The following LSAMP variants were observed in gnomAD, a reference collection of about 807,000 sequenced individuals.
LSAMP encodes the protein limbic system associated membrane protein.
Under a neutral mutation model 38.6 loss-of-function variants are expected in LSAMP, and 7 were observed. That is an observed-to-expected ratio of 0.18 (90% CI 0.10 to 0.34). The LOEUF is 0.34. Among genes scored for constraint, LSAMP ranks in the 10% least tolerant of loss-of-function variants. The probability of loss-of-function intolerance (pLI) is 1.00; values close to 1 mark genes in which losing one functional copy is unlikely to be tolerated. For synonymous variants in LSAMP, 154 were observed against 166.8 expected (o/e 0.92, Z 0.59); for missense variants, 313 against 420.0 (o/e 0.75, Z 2.23).
chr3:116,255,502 G>A (rs2046738641), intron 1 of LSAMP, among the ~76,000 whole-genome samples: 1 of 152,178 alleles, frequency 6.6e-6, no homozygotes, highest in African/African-American at 2.4e-5. Context: ...TGTATTTATA[G>A]ACAAAGAGAA....
chr3:116,354,884 T>C (rs1213467908), intron 1 of LSAMP, among the ~76,000 whole-genome samples: 1 of 150,862 alleles, frequency 6.6e-6, no homozygotes, highest in Non-Finnish European at 1.5e-5. Context: ...TGTGTGCATG[T>C]GTGTTATATT....
chr3:116,012,563 CGTT>C (rs1275725192), intron 3 of LSAMP, among the ~76,000 whole-genome samples: 1 of 152,130 alleles, frequency 6.6e-6, no homozygotes, highest in Non-Finnish European at 1.5e-5. Context: ...AAGAGACTGT[CGTT>C]GTCATGGCCT....
At chr3:116,131,202 A>G (rs1025658805) in intron 1 of LSAMP, among the ~76,000 whole-genome samples, 5 of 152,000 alleles carry the variant, frequency 3.3e-5, no homozygotes, top group Admixed American at 6.6e-5. Flanking sequence ...TGTATTAGCC[A>G]GGATGGTCTC....
intron 1 of LSAMP, among the ~76,000 whole-genome samples, chr3:116,356,101 A>G (rs184775746): frequency 3.9e-4 from 59 of 152,342 alleles, no homozygotes; most frequent in African/African-American, 1.4e-3. Flanking sequence ...AAAGGAAATC[A>G]GTGTTTCATA....
intron 1 of LSAMP, among the ~76,000 whole-genome samples, chr3:116,113,924 C>G (rs1230071710): frequency 6.6e-6 from 1 of 152,098 alleles, no homozygotes; most frequent in East Asian, 1.9e-4. Context: ...CTCAGGAATA[C>G]TCGGAGGATT....
chr3:116,444,256 C>A (rs1033025379), intron 1 of LSAMP, among the ~76,000 whole-genome samples: 6 of 151,978 alleles, frequency 3.9e-5, no homozygotes, highest in Non-Finnish European at 8.8e-5. Context: ...AGTAACCAAC[C>A]AAAGTTCTAA....
chr3:116,346,376 T>C (rs922426373), intron 1 of LSAMP, among the ~76,000 whole-genome samples: 2 of 151,144 alleles, frequency 1.3e-5, no homozygotes, highest in South Asian at 2.1e-4. Context: ...TTGGCCAAGA[T>C]GGAATGCAGT....
At chr3:116,214,481 T>G (rs1272865823) in intron 1 of LSAMP, among the ~76,000 whole-genome samples, 2 of 145,066 alleles carry the variant, frequency 1.4e-5, no homozygotes, top group Non-Finnish European at 3.0e-5. Context: ...AGCCCTCAAA[T>G]AAAGAGTAAA....
At chr3:115,817,343 C>T (rs1042151378) in intron 6 of LSAMP, among the ~76,000 whole-genome samples, 1 of 152,172 alleles carries the variant, frequency 6.6e-6, no homozygotes, top group African/African-American at 2.4e-5. Flanking sequence ...GTTTCGTCCT[C>T]TTCATTAGAC....
chr3:116,344,596 C>T (rs1426126040), intron 1 of LSAMP, among the ~76,000 whole-genome samples: 2 of 152,108 alleles, frequency 1.3e-5, no homozygotes, highest in East Asian at 1.9e-4. Flanking sequence ...TCTGAAAGCA[C>T]CTGGTGCCAA....
rs563303616 is a variant in LSAMP at position 116,279,010 on chromosome 3, A to G, written c.155+165867T>C. On this transcript the variant is annotated intron_variant, in intron 1 of 6. Coordinates refer to ENST00000490035, the MANE Select transcript of LSAMP (RefSeq NM_002338.5). ...AAACTATCGGCAAGTTTATGTACCTAGTTTTTGCTTTTTCTGTAGGAGAAT... is the reference window on the plus strand; with the variant it reads ...AAACTATCGGCAAGTTTATGTACCTGGTTTTTGCTTTTTCTGTAGGAGAAT... Among the ~76,000 whole-genome samples, 219 of 152,270 alleles carry G rather than the reference A, an allele frequency of 1.4e-3. 2 individuals carry two copies. The highest frequency in any genetic ancestry group is 4.9e-3 in the African/African-American group (205 of 41,558).
intron 1 of LSAMP, among the ~76,000 whole-genome samples, chr3:116,270,945 A>G (rs955038845): frequency 1.3e-5 from 2 of 152,130 alleles, no homozygotes; most frequent in South Asian, 2.1e-4. Flanking sequence ...CCAGATTTCA[A>G]TTACTTCGTA....
chr3:116,151,589 C>T (rs1709612132), intron 1 of LSAMP, among the ~76,000 whole-genome samples: 1 of 152,012 alleles, frequency 6.6e-6, no homozygotes. Context: ...TCTCTTCCCT[C>T]AAGTCGCTAA....
chr3:116,226,075 C>T (rs1204286356), intron 1 of LSAMP, among the ~76,000 whole-genome samples: 2 of 152,116 alleles, frequency 1.3e-5, no homozygotes, highest in Non-Finnish European at 2.9e-5. Context: ...AGTGATGTAA[C>T]TAATGAACAA....
chr3:116,061,465 A>C (rs562196669), intron 2 of LSAMP, among the ~76,000 whole-genome samples: 1 of 152,124 alleles, frequency 6.6e-6, no homozygotes, highest in African/African-American at 2.4e-5. Flanking sequence ...ATGTGGTGAG[A>C]GGCATGGTAG....
chr3:116,263,384 A>C (rs149984591), intron 1 of LSAMP, among the ~76,000 whole-genome samples: 29,451 of 151,738 alleles, frequency 0.19, 3,035 homozygotes, highest in Admixed American at 0.23. Flanking sequence ...CTAAAAATAC[A>C]AAAATTAGCC....
chr3:115,823,380 C>A (rs1055240520), intron 6 of LSAMP, among the ~76,000 whole-genome samples: 1 of 152,180 alleles, frequency 6.6e-6, no homozygotes, highest in Non-Finnish European at 1.5e-5. Context: ...AGAAACATGC[C>A]CAGCTTCTGA....
At chr3:115,856,363 A>T (rs1349352822) in intron 3 of LSAMP, among the ~76,000 whole-genome samples, 1 of 152,170 alleles carries the variant, frequency 6.6e-6, no homozygotes, top group Non-Finnish European at 1.5e-5. Context: ...TACGCCTGTA[A>T]CCCTAGCACT....
intron 1 of LSAMP, among the ~76,000 whole-genome samples, chr3:116,153,239 C>T (rs1559761883): frequency 6.6e-6 from 1 of 151,992 alleles, no homozygotes; most frequent in Non-Finnish European, 1.5e-5. Context: ...AGTTGGAGCC[C>T]CCCTATTATC....
Sources: gnomAD v4.1 joint callset for allele counts (sites outside exome capture counted in the v4.1 genomes callset) on GRCh38, gnomAD v4.1.1 for gene constraint, MANE v1.5 for transcripts, NCBI Gene and HGNC (gene_info 2026-07-23, HGNC 2026-07-21) for gene names.